MYCT1: variants seen among roughly 807,000 people sequenced by gnomAD.
MYCT1 encodes the protein MYC target 1.
Under a neutral mutation model 15.0 loss-of-function variants are expected in MYCT1, and 12 were observed. The ratio of observed to expected loss-of-function variants is 0.80; its 90% CI spans 0.51 to 1.29. The LOEUF is 1.29. Ranked by LOEUF, MYCT1 falls within the 50% of genes most tolerant of loss-of-function variation. The probability of loss-of-function intolerance (pLI) is 0.00; values close to 1 mark genes in which losing one functional copy is unlikely to be tolerated. For synonymous variants in MYCT1, 104 were observed against 102.7 expected (o/e 1.01, Z -0.07); for missense variants, 287 against 279.1 (o/e 1.03, Z -0.20).
At chr6:152,730,123 T>C in the MYCT1 span, among the ~76,000 whole-genome samples, 50 of 152,322 alleles carry the variant, frequency 3.3e-4, no homozygotes, top group Non-Finnish European at 5.4e-4. Context: ...AGATATAACC[T>C]TGCAGCAAAC....
rs773532214 is a variant in MYCT1, at chr6:152,722,205, G to A, written c.660G>A (p.Pro220=). ...SNSLRVGLST[P]PPPAYESIIK... is the part of the protein sequence containing the mutation. ...GTCTTCGAGTGGGCCTTTCAACACC[G>A]CCCCCACCTGCCTATGAGTCCATCA... The change falls in exon 2 of 2, where the codon CCG becomes CCA. Residue 220 remains proline, a synonymous_variant. Transcript: ENST00000367245. 12 of 1,613,790 alleles carry A rather than the reference G, an allele frequency of 7.4e-6. No homozygotes were observed. The highest frequency in any genetic ancestry group is 6.7e-5 in the African/African-American group (5 of 74,848).
chr6:152,723,320 A>C lies in MYCT1; in HGVS notation c.*1067A>C, dbSNP rs971941332. 6.6e-6 allele frequency: 1 copy of C among 152,184 alleles called. No individual in the cohort carries two copies. Among genetic ancestry groups the C allele is most frequent in the Non-Finnish European group, 1.5e-5 (1 of 68,032 alleles). 9.4% of individuals were successfully genotyped at this position (152,184 alleles called of 1,614,324 possible). On this transcript the variant is annotated 3_prime_UTR_variant, in exon 2 of 2. Transcript: ENST00000367245. ...ATTGTTAGAAAAGCAACAGGAAAAA[A>C]TCCAATTCATTTGACCTAAAAACAA...
rs2129070883 is a variant in MYCT1, at chr6:152,722,596, A to G, written c.*343A>G. On this transcript the variant is annotated 3_prime_UTR_variant, in exon 2 of 2. Coordinates refer to ENST00000367245, the MANE Select transcript of MYCT1 (RefSeq NM_025107.3). The stretch of plus-strand genomic sequence containing the variant: ...TTAAAACTTCAGATATTTGTGGATT[A>G]CAATCCTCATTTACTTCCAATGTGA... 8.6e-6 allele frequency: 2 copies of G among 232,284 alleles called. No individual in the cohort carries two copies. Among genetic ancestry groups the G allele is most frequent in the African/African-American group, 4.5e-5 (2 of 44,036 alleles). The allele number at this position is 232,284 out of a possible 1,614,324, so 14.4% of individuals were successfully genotyped here.
chr6:152,700,166 A>T (rs914142220), intron 1 of MYCT1, among the ~76,000 whole-genome samples: 1 of 152,172 alleles, frequency 6.6e-6, no homozygotes, highest in Non-Finnish European at 1.5e-5. Flanking sequence ...TATAAATGTC[A>T]ATCTTTTAAA....
the MYCT1 span, among the ~76,000 whole-genome samples, chr6:152,732,905 G>A: frequency 6.6e-6 from 1 of 152,218 alleles, no homozygotes; most frequent in Admixed American, 6.5e-5. Flanking sequence ...CTTAAGGTGA[G>A]CTAAAGTTAA....
At position 152,723,825 on chromosome 6, in the gene MYCT1, A is replaced by T. The variant is rs376791874; in HGVS notation, c.*1572A>T. On this transcript the variant is annotated 3_prime_UTR_variant, in exon 2 of 2. Coordinates refer to ENST00000367245, the MANE Select transcript of MYCT1 (RefSeq NM_025107.3). The stretch of plus-strand genomic sequence containing the variant: ...AAAAAGTCTGTGGTTCATTTCCAGT[A>T]TTGTGAATATTTAGTTTATGTGGCC... The T allele has an allele frequency of 6.6e-6, 1 of 152,136 alleles. No individual in the cohort carries two copies. Among genetic ancestry groups the T allele is most frequent in the Non-Finnish European group, 1.5e-5 (1 of 68,020 alleles). 9.4% of individuals were successfully genotyped at this position (152,136 alleles called of 1,614,324 possible).
chr6:152,734,250 T>C, the MYCT1 span, among the ~76,000 whole-genome samples: 2 of 152,170 alleles, frequency 1.3e-5, no homozygotes, highest in East Asian at 3.9e-4. Flanking sequence ...CCACATCATA[T>C]CTCAGTTTTA....
Position 152,722,320 on chromosome 6 carries a change from G to T in MYCT1, c.*67G>T, listed in dbSNP as rs1436119965. 2.7e-6 allele frequency: 4 copies of T among 1,495,668 alleles called. No individual in the cohort carries two copies. In the East Asian group the frequency reaches 9.1e-5, roughly 34 times the overall value. The allele number at this position is 1,495,668 out of a possible 1,614,324, so 92.6% of individuals were successfully genotyped here. On this transcript the variant is annotated 3_prime_UTR_variant, in exon 2 of 2. Transcript: ENST00000367245. ...TTTATTGAAAGGAAATCAAAAATAG[G>T]CTAAACAGAATTTTGAGGGCATGGC... is the stretch of plus-strand genomic sequence containing the variant.
chr6:152,738,028 A>T, the MYCT1 span, among the ~76,000 whole-genome samples: 1 of 152,144 alleles, frequency 6.6e-6, no homozygotes, highest in Non-Finnish European at 1.5e-5. Context: ...ATTCATGAAG[A>T]TATCTAGAAT....
chr6:152,701,858 A>G (rs1361048855), intron 1 of MYCT1, among the ~76,000 whole-genome samples: 2 of 152,204 alleles, frequency 1.3e-5, no homozygotes, highest in African/African-American at 2.4e-5. Flanking sequence ...ATGGCACAGA[A>G]TAATTTTCAA....
At chr6:152,707,917 T>C (rs1583967941) in intron 1 of MYCT1, among the ~76,000 whole-genome samples, 1 of 152,110 alleles carries the variant, frequency 6.6e-6, no homozygotes, top group East Asian at 1.9e-4. Flanking sequence ...TAGTATATTT[T>C]AAAATCAAGT....
rs1226372149 is a variant in MYCT1, at chr6:152,722,009, C to T, written c.464C>T (p.Ser155Phe). ...QRQASLEQAN[S>F]FPRKSSFRAS... Reference sequence around the variant, plus strand: ...CAAGCTTCCCTGGAACAAGCAAATTCCTTTCCAAGAAAATCAAGTTTCAGA... The same window carrying T: ...CAAGCTTCCCTGGAACAAGCAAATTTCTTTCCAAGAAAATCAAGTTTCAGA... The change falls in exon 2 of 2, where the codon TCC (serine) becomes TTC (phenylalanine). Residue 155 changes from serine to phenylalanine, a missense_variant. Coordinates refer to ENST00000367245, the MANE Select transcript of MYCT1 (RefSeq NM_025107.3). The T allele has an allele frequency of 1.2e-5, 20 of 1,614,202 alleles. No individual in the cohort carries two copies. The highest frequency in any genetic ancestry group is 1.7e-5 in the Non-Finnish European group (20 of 1,180,040).
chr6:152,702,000 C>G (rs2099721402), intron 1 of MYCT1, among the ~76,000 whole-genome samples: 1 of 152,142 alleles, frequency 6.6e-6, no homozygotes. Flanking sequence ...CCTTCAGATA[C>G]CCAAGGGTTC....
At chr6:152,735,298 A>C in the MYCT1 span, among the ~76,000 whole-genome samples, 304 of 152,272 alleles carry the variant, frequency 2.0e-3, 2 homozygotes, top group African/African-American at 6.8e-3. Context: ...ACTTTTTGGT[A>C]AGTGAGCCTT....
At chr6:152,734,340 T>C in the MYCT1 span, among the ~76,000 whole-genome samples, 3 of 152,198 alleles carry the variant, frequency 2.0e-5, no homozygotes, top group Non-Finnish European at 4.4e-5. Context: ...AACTTATTTC[T>C]GGTTAAGCGC....
chr6:152,744,203 A>T, the MYCT1 span, among the ~76,000 whole-genome samples: 1 of 152,154 alleles, frequency 6.6e-6, no homozygotes, highest in Non-Finnish European at 1.5e-5. Flanking sequence ...CTTCTAATGT[A>T]TTTGTGTTTC....
At chr6:152,744,054 C>T in the MYCT1 span, among the ~76,000 whole-genome samples, 30 of 152,308 alleles carry the variant, frequency 2.0e-4, no homozygotes, top group African/African-American at 6.5e-4. Flanking sequence ...GGCTACTCTA[C>T]ACCTCCTCAC....
the MYCT1 span, among the ~76,000 whole-genome samples, chr6:152,739,899 AT>A: frequency 6.6e-6 from 1 of 152,056 alleles, no homozygotes; most frequent in Admixed American, 6.5e-5. Flanking sequence ...TTGGCTGTTC[AT>A]TTCATCTATC....
At chr6:152,740,199 C>T in the MYCT1 span, among the ~76,000 whole-genome samples, 7 of 152,054 alleles carry the variant, frequency 4.6e-5, no homozygotes, top group Admixed American at 6.5e-5. Context: ...TACAAGCATG[C>T]GCCACCATGC....
Sources: allele counts gnomAD v4.1 joint callset (sites outside exome capture counted in the v4.1 genomes callset), GRCh38; gene constraint gnomAD v4.1.1; transcripts MANE v1.5; gene names NCBI Gene and HGNC (gene_info 2026-07-23, HGNC 2026-07-21).